CSRNP3: variants seen among roughly 807,000 people sequenced by gnomAD.
CSRNP3 encodes cysteine and serine rich nuclear protein 3.
Under a neutral mutation model 48.0 loss-of-function variants are expected in CSRNP3, and 12 were observed. The ratio of observed to expected loss-of-function variants is 0.25; its 90% confidence interval spans 0.16 to 0.41. The LOEUF (loss-of-function observed/expected upper bound fraction) is 0.41. Ranked by LOEUF, CSRNP3 falls within the 10% of genes least tolerant of loss-of-function variation. The pLI is 1.00. For missense variants in CSRNP3, 580 were observed against 724.4 expected (o/e 0.80, Z 2.29); for synonymous variants, 263 against 269.7 (o/e 0.98, Z 0.24).
chr2:165,485,391 G>A (rs572190609), intron 1 of CSRNP3, among the ~76,000 whole-genome samples: 1 of 152,150 alleles, frequency 6.6e-6, no homozygotes. Context: ...TCCTATAACT[G>A]ATAAACATAA....
chr2:165,665,850 A>G (rs533468294), intron 5 of CSRNP3, among the ~76,000 whole-genome samples: 197 of 149,244 alleles, frequency 1.3e-3, no homozygotes, highest in Admixed American at 4.3e-3. Context: ...CAAGGAAGGA[A>G]GGAAGGAAAG....
intron 4 of CSRNP3, among the ~76,000 whole-genome samples, chr2:165,629,106 G>A (rs1331000621): frequency 6.6e-6 from 1 of 152,148 alleles, no homozygotes; most frequent in Non-Finnish European, 1.5e-5. Flanking sequence ...ATCAGGGTAA[G>A]AGCCATGTGT....
intron 2 of CSRNP3, among the ~76,000 whole-genome samples, chr2:165,501,843 A>G (rs1198097088): frequency 6.6e-6 from 1 of 152,108 alleles, no homozygotes; most frequent in Non-Finnish European, 1.5e-5. Context: ...AAAAGTTTTC[A>G]TATCAGATGT....
At chr2:165,630,653 A>AT (rs1309757151) in intron 4 of CSRNP3, among the ~76,000 whole-genome samples, 3 of 152,162 alleles carry the variant, frequency 2.0e-5, no homozygotes, top group Non-Finnish European at 4.4e-5. Flanking sequence ...CAAAGTAATC[A>AT]TTTTACATTT....
intron 4 of CSRNP3, among the ~76,000 whole-genome samples, chr2:165,628,144 T>C (rs1686469944): frequency 6.6e-6 from 1 of 152,154 alleles, no homozygotes; most frequent in Admixed American, 6.5e-5. Flanking sequence ...CCAAATCATA[T>C]CCAAACCTTA....
rs369735548 is a variant in CSRNP3, at chr2:165,676,553, G to A, written c.650G>A (p.Arg217Gln). ...LSREDCGCDC[R>Q]VFCDPDTCTC... ...CGAGAGGACTGTGGCTGTGACTGCC[G>A]AGTGTTCTGTGATCCAGACACGTGC... is the stretch of plus-strand genomic sequence containing the variant. Residue 217 changes from arginine to glutamine, a missense_variant, in exon 6 of 7, where the codon CGA becomes CAA. Around this residue, in one of 4 missense-constraint regions of CSRNP3, gnomAD observed 66 missense variants for 137.6 expected, o/e 0.48. Transcript: ENST00000651982. The A allele has an allele frequency of 1.7e-5, 28 of 1,613,988 alleles. No individual in the cohort carries two copies. The highest frequency in any genetic ancestry group is 2.2e-5 in the East Asian group (1 of 44,868).
intron 3 of CSRNP3, among the ~76,000 whole-genome samples, chr2:165,556,560 T>G (rs1685163476): frequency 6.6e-6 from 1 of 152,028 alleles, no homozygotes; most frequent in Admixed American, 6.6e-5. Context: ...AAGAGGGACC[T>G]GCATGGCAAC....
intron 4 of CSRNP3, among the ~76,000 whole-genome samples, chr2:165,645,434 G>T (rs1026993967): frequency 7.2e-5 from 11 of 152,152 alleles, no homozygotes; most frequent in African/African-American, 2.4e-4. Context: ...TCCACTATCT[G>T]ATACCATCAC....
intron 4 of CSRNP3, among the ~76,000 whole-genome samples, chr2:165,600,887 A>G (rs1204618924): frequency 1.3e-5 from 2 of 152,234 alleles, no homozygotes; most frequent in Non-Finnish European, 2.9e-5. Context: ...TGTCATTACA[A>G]ATACAGAAAT....
chr2:165,655,073 G>A (rs1686980118), intron 4 of CSRNP3, among the ~76,000 whole-genome samples: 1 of 152,102 alleles, frequency 6.6e-6, no homozygotes, highest in African/African-American at 2.4e-5. Flanking sequence ...AATGTTTCAT[G>A]GGGGAAAAAT....
At chr2:165,556,997 C>T (rs1469685423) in intron 3 of CSRNP3, among the ~76,000 whole-genome samples, 1 of 152,046 alleles carries the variant, frequency 6.6e-6, no homozygotes, top group East Asian at 1.9e-4. Context: ...ATATTCTCCT[C>T]AGTGTGATTA....
intron 3 of CSRNP3, among the ~76,000 whole-genome samples, chr2:165,531,300 G>T: frequency 6.6e-6 from 1 of 152,138 alleles, no homozygotes; most frequent in African/African-American, 2.4e-5. Context: ...TTATTAGGTT[G>T]TTCAATAAAT....
chr2:165,546,379 G>A (rs1223414245), intron 3 of CSRNP3, among the ~76,000 whole-genome samples: 1 of 152,010 alleles, frequency 6.6e-6, no homozygotes, highest in East Asian at 1.9e-4. Flanking sequence ...TTTTAGTATA[G>A]ATGGGGTTTC....
intron 2 of CSRNP3, among the ~76,000 whole-genome samples, chr2:165,504,402 T>C (rs991399747): frequency 1.3e-5 from 2 of 152,054 alleles, no homozygotes; most frequent in African/African-American, 4.8e-5. Context: ...GCAAAGGGGA[T>C]AAGTAGCTTA....
At position 165,685,406 on chromosome 2, in the gene CSRNP3, G is replaced by A. The variant is rs1687614713; in HGVS notation, c.*5653G>A. 1 of 152,030 alleles carries A rather than the reference G, an allele frequency of 6.6e-6. No homozygotes were observed. The highest frequency in any genetic ancestry group is 1.5e-5 in the Non-Finnish European group (1 of 67,978). The allele number at this position is 152,030 out of a possible 1,614,324, so 9.4% of individuals were successfully genotyped here. A position where few individuals can be genotyped will look rare whatever the true frequency, so the allele number is the denominator to read the frequency against. ...TCTCAGGCTAGTCTAAGTCTGTGCT[G>A]TCTTGGCATGCCTTGGGTTTCCTAT... is the stretch of plus-strand genomic sequence containing the variant. On this transcript the variant is annotated 3_prime_UTR_variant, in exon 7 of 7. Transcript: ENST00000651982.
chr2:165,567,901 G>T (rs925421535), intron 3 of CSRNP3, among the ~76,000 whole-genome samples: 1 of 151,918 alleles, frequency 6.6e-6, no homozygotes, highest in Non-Finnish European at 1.5e-5. Context: ...CACAATGCTG[G>T]AAAGTTTAAC....
In CSRNP3 at chr2:165,681,427, T is replaced by A. The variant is rs1687536416; in HGVS notation, c.*1674T>A. 1 of 151,310 alleles carries A rather than the reference T, an allele frequency of 6.6e-6. No individual in the cohort carries two copies. The highest frequency in any genetic ancestry group is 2.4e-5 in the African/African-American group (1 of 41,114). The allele number at this position is 151,310 out of a possible 1,614,324, so 9.4% of individuals were successfully genotyped here. A position where few individuals can be genotyped will look rare whatever the true frequency, so the allele number is the denominator to read the frequency against. ...TAGATCTCAATTTCTAAAAAAAATATTTTATTTAATTGAACTTAAAAATGC... is the reference window on the plus strand; with the variant it reads ...TAGATCTCAATTTCTAAAAAAAATAATTTATTTAATTGAACTTAAAAATGC... On this transcript the variant is annotated 3_prime_UTR_variant, in exon 7 of 7. Transcript: ENST00000651982.
At chr2:165,611,379 G>GTA (rs113338126) in intron 4 of CSRNP3, among the ~76,000 whole-genome samples, 1 of 150,944 alleles carries the variant, frequency 6.6e-6, no homozygotes, top group Admixed American at 6.6e-5. Flanking sequence ...GTGTGTGTGT[G>GTA]TATATACATA....
chr2:165,643,395 G>T (rs1359144157), intron 4 of CSRNP3, among the ~76,000 whole-genome samples: 1 of 152,174 alleles, frequency 6.6e-6, no homozygotes, highest in Non-Finnish European at 1.5e-5. Context: ...AAACCAGTAG[G>T]TTACCAAGCT....
Sources: gnomAD v4.1 joint callset for allele counts (sites outside exome capture counted in the v4.1 genomes callset) on GRCh38, gnomAD v4.1.1 for gene constraint, gnomAD v4.1.1 regional missense constraint, MANE v1.5 for transcripts, NCBI Gene and HGNC (gene_info 2026-07-23, HGNC 2026-07-21) for gene names.